The following TBC1D8 variants were observed in gnomAD, a reference collection of about 807,000 sequenced individuals.
TBC1D8 encodes the protein BUB2-like protein 1.
TBC1D8 carries 65 observed loss-of-function variants against 118.8 expected under a neutral mutation model. That is an observed-to-expected ratio of 0.55 (90% CI 0.45 to 0.67). The LOEUF is 0.67. Ranked by LOEUF, TBC1D8 falls within the 30% of genes least tolerant of loss-of-function variation. The pLI, the probability that TBC1D8 is intolerant of heterozygous loss-of-function variation, is 0.00. For synonymous variants in TBC1D8, 566 were observed against 595.8 expected (o/e 0.95, Z 0.73); for missense variants, 1,376 against 1,471.2 (o/e 0.94, Z 1.06).
chr2:101,128,800 C>T (rs1035854554), intron 1 of TBC1D8, among the ~76,000 whole-genome samples: 18 of 152,128 alleles, frequency 1.2e-4, no homozygotes, highest in Admixed American at 2.0e-4. Context: ...ACCTTGATAA[C>T]ATTATGCTAA....
At chr2:101,135,420 A>T (rs977823209) in intron 1 of TBC1D8, among the ~76,000 whole-genome samples, 1 of 151,980 alleles carries the variant, frequency 6.6e-6, no homozygotes, top group South Asian at 2.1e-4. Flanking sequence ...CAACTAATAA[A>T]AAAAAAAAAA....
At chr2:101,017,782 G>C in intron 17 of TBC1D8, 2 of 1,505,050 alleles carry the variant, frequency 1.3e-6, no homozygotes, top group South Asian at 1.2e-5. Context: ...CCAAAATCTT[G>C]ACAAGCTCAG....
chr2:101,052,561 C>T (rs1458293373), intron 4 of TBC1D8, among the ~76,000 whole-genome samples: 1 of 151,654 alleles, frequency 6.6e-6, no homozygotes, highest in Non-Finnish European at 1.5e-5. Flanking sequence ...ACTGCAACCT[C>T]CACCTCCAGG....
chr2:101,069,159 G>T (rs1251655304), intron 2 of TBC1D8, among the ~76,000 whole-genome samples: 1 of 151,964 alleles, frequency 6.6e-6, no homozygotes, highest in South Asian at 2.1e-4. Context: ...TTAGCTGGGC[G>T]TGGTGGCAGG....
chr2:101,062,795 C>T (rs1682823999), intron 2 of TBC1D8, among the ~76,000 whole-genome samples: 1 of 152,274 alleles, frequency 6.6e-6, no homozygotes, highest in East Asian at 1.9e-4. Flanking sequence ...GCGCACACCA[C>T]CACGCCTGGC....
At chr2:101,066,290 A>G (rs1161434114) in intron 2 of TBC1D8, among the ~76,000 whole-genome samples, 1 of 152,050 alleles carries the variant, frequency 6.6e-6, no homozygotes, top group East Asian at 1.9e-4. Flanking sequence ...TCTCAAAAAA[A>G]TAAAATAAAA....
chr2:101,112,409 T>C (rs1277019730), intron 1 of TBC1D8, among the ~76,000 whole-genome samples: 1 of 152,208 alleles, frequency 6.6e-6, no homozygotes, highest in Non-Finnish European at 1.5e-5. Context: ...TTTCTCGTCG[T>C]GAACAGATGA....
chr2:101,103,709 T>C (rs1677024406), intron 1 of TBC1D8, among the ~76,000 whole-genome samples: 1 of 152,038 alleles, frequency 6.6e-6, no homozygotes, highest in Admixed American at 6.6e-5. Context: ...TTTAACTTGA[T>C]AAAGAACATC....
chr2:101,079,241 C>T (rs75493210), intron 2 of TBC1D8, among the ~76,000 whole-genome samples: 2,813 of 152,312 alleles, frequency 0.018, 86 homozygotes, highest in African/African-American at 0.064. Flanking sequence ...AAACTAGACG[C>T]CTGCTAAGGT....
chr2:101,012,446 TAC>T (rs1679288444), intron 17 of TBC1D8, among the ~76,000 whole-genome samples: 2 of 152,198 alleles, frequency 1.3e-5, no homozygotes, highest in Non-Finnish European at 2.9e-5. Context: ...TCGAACATGA[TAC>T]AGCAACTCCA....
At chr2:101,042,763 C>T (rs1007141333) in intron 5 of TBC1D8, among the ~76,000 whole-genome samples, 3 of 150,202 alleles carry the variant, frequency 2.0e-5, no homozygotes, top group African/African-American at 7.3e-5. Context: ...AAAAAAAAAA[C>T]CTTAGCTATT....
At chr2:101,019,977 C>T (rs1248832491) in intron 17 of TBC1D8, among the ~76,000 whole-genome samples, 1 of 150,354 alleles carries the variant, frequency 6.7e-6, no homozygotes, top group African/African-American at 2.5e-5. Context: ...GAGGCTGAGG[C>T]AGGAGAATGG....
At chr2:101,099,951 T>C (rs577148227) in intron 1 of TBC1D8, among the ~76,000 whole-genome samples, 56 of 152,176 alleles carry the variant, frequency 3.7e-4, no homozygotes, top group African/African-American at 1.3e-3. Context: ...AAAACCAGTA[T>C]AAGACAAGGA....
In TBC1D8 at chr2:101,118,507, T is replaced by C. The variant is rs184688152; in HGVS notation, c.128-28143A>G. ...GTCAGGAGATCGAGACCATCCTGGCTAACACGGTGAAACCCTGTCTCTACT... is the reference window on the plus strand; with the variant it reads ...GTCAGGAGATCGAGACCATCCTGGCCAACACGGTGAAACCCTGTCTCTACT... On this transcript the variant is annotated intron_variant, in intron 1 of 19. Coordinates refer to ENST00000409318, the MANE Select transcript of TBC1D8 (RefSeq NM_001330348.2). 9.3e-4 allele frequency among the ~76,000 whole-genome samples: 140 copies of C among 150,288 alleles called. 2 individuals carry two copies. Among genetic ancestry groups the C allele is most frequent in the Admixed American group, 3.6e-3 (54 of 15,102 alleles).
At chr2:101,127,124 C>T (rs1433348780) in intron 1 of TBC1D8, among the ~76,000 whole-genome samples, 1 of 152,126 alleles carries the variant, frequency 6.6e-6, no homozygotes, top group Non-Finnish European at 1.5e-5. Flanking sequence ...ATCACGAGGT[C>T]AGGCATTCGA....
intron 1 of TBC1D8, among the ~76,000 whole-genome samples, chr2:101,097,641 C>G (rs971296244): frequency 6.6e-5 from 10 of 152,050 alleles, no homozygotes; most frequent in African/African-American, 2.4e-4. Context: ...TCACTTGAGG[C>G]CAAGAATTTG....
chr2:101,102,482 G>A (rs780631584), intron 1 of TBC1D8, among the ~76,000 whole-genome samples: 24 of 150,764 alleles, frequency 1.6e-4, no homozygotes, highest in Admixed American at 2.7e-4. Context: ...ATCTCTTCAA[G>A]TATGAAAGGT....
chr2:101,117,133 C>T (rs1308464540), intron 1 of TBC1D8, among the ~76,000 whole-genome samples: 1 of 152,024 alleles, frequency 6.6e-6, no homozygotes, highest in East Asian at 1.9e-4. Flanking sequence ...CAGCCAACCC[C>T]CAGAACCCCA....
Position 101,022,321 on chromosome 2 carries a change from C to G in TBC1D8, c.2721G>C (p.Met907Ile). The change falls in exon 16 of 20, where the codon ATG (methionine) becomes ATC (isoleucine). Residue 907 changes from methionine (M) to isoleucine (I), a missense_variant. By Grantham distance (10) the Met-to-Ile change is conservative (BLOSUM62 1). Coordinates refer to ENST00000409318, the MANE Select transcript of TBC1D8 (RefSeq NM_001330348.2). Reference protein sequence around the residue: ...ERTFRLLDDNMDQLIEFKAFV... With the variant: ...ERTFRLLDDNIDQLIEFKAFV... Reference sequence around the variant, plus strand: ...ACGCTTTGAACTCGATGAGCTGGTCCATGTTGTCATCCAAGAGCCTGAACG... The same window carrying G: ...ACGCTTTGAACTCGATGAGCTGGTCGATGTTGTCATCCAAGAGCCTGAACG... 2.5e-6 allele frequency: 4 copies of G among 1,612,938 alleles called. No individual in the cohort carries two copies. The highest frequency in any genetic ancestry group is 3.4e-6 in the Non-Finnish European group (4 of 1,179,626).
Sources: allele counts gnomAD v4.1 joint callset (sites outside exome capture counted in the v4.1 genomes callset), GRCh38; gene constraint gnomAD v4.1.1; transcripts MANE v1.5; gene names NCBI Gene and HGNC (gene_info 2026-07-23, HGNC 2026-07-21).